Variants in OSBPL10 observed in about 807,000 individuals in gnomAD.
The protein encoded by OSBPL10 is oxysterol binding protein like 10, also known as oxysterol-binding protein-related protein 10.
In OSBPL10, 49 loss-of-function variants were observed where a neutral mutation model predicts 81.7. That is an observed-to-expected ratio of 0.60 (90% CI 0.48 to 0.76). The LOEUF (loss-of-function observed/expected upper bound fraction) is 0.76. OSBPL10 is among the 30% of genes least tolerant of loss of function. OSBPL10 has a pLI of 0.00. For missense variants in OSBPL10, 923 were observed against 987.8 expected (o/e 0.93, Z 0.88); for synonymous variants, 419 against 383.6 (o/e 1.09, Z -1.08).
intron 1 of OSBPL10, among the ~76,000 whole-genome samples, chr3:31,950,379 CAG>C (rs1697832509): frequency 6.6e-6 from 1 of 152,098 alleles, no homozygotes; most frequent in Non-Finnish European, 1.5e-5. Context: ...TTCTGATAAT[CAG>C]AGATACACAA....
At chr3:31,803,631 T>TA (rs1352060583) in intron 4 of OSBPL10, among the ~76,000 whole-genome samples, 2 of 152,246 alleles carry the variant, frequency 1.3e-5, no homozygotes, top group African/African-American at 4.8e-5. Flanking sequence ...AAAATACAAC[T>TA]ACCTCAATCT....
At chr3:31,785,667 G>C (rs1483493058) in intron 4 of OSBPL10, among the ~76,000 whole-genome samples, 1 of 151,756 alleles carries the variant, frequency 6.6e-6, no homozygotes, top group East Asian at 1.9e-4. Context: ...ATAAAATGAA[G>C]AGACTGAACT....
At chr3:31,985,328 A>G (rs1258621704), upstream of OSBPL10, among the ~76,000 whole-genome samples, 1 of 152,266 alleles carries the variant, frequency 6.6e-6, no homozygotes, top group Non-Finnish European at 1.5e-5. Context: ...TGCATAAATC[A>G]CTTAGAAAAA....
intron 3 of OSBPL10, among the ~76,000 whole-genome samples, chr3:31,846,925 C>T (rs935822453): frequency 3.9e-5 from 6 of 152,140 alleles, no homozygotes; most frequent in African/African-American, 1.4e-4. Context: ...GAGTGAACCC[C>T]AAGATCCAGC....
Position 31,815,586 on chromosome 3 carries a change from A to G in OSBPL10, c.729+14454T>C, listed in dbSNP as rs1223804517. Among the ~76,000 whole-genome samples the G allele has an allele frequency of 2.0e-5, 3 of 152,114 alleles. No homozygotes were observed. The East Asian group carries it at 5.8e-4, about 29-fold the overall frequency. ...GAAACTTTAGAATGCCCAAGCATCTAATGGGGGTGGAAAGATGGGAATGAC... is the reference window on the plus strand; with the variant it reads ...GAAACTTTAGAATGCCCAAGCATCTGATGGGGGTGGAAAGATGGGAATGAC... On this transcript the variant is annotated intron_variant, in intron 4 of 11. Transcript: ENST00000396556.
chr3:31,808,345 C>T (rs1460084678), intron 4 of OSBPL10, among the ~76,000 whole-genome samples: 1 of 152,194 alleles, frequency 6.6e-6, no homozygotes, highest in South Asian at 2.1e-4. Context: ...ACACTGAGGT[C>T]TTGTCAGGTG....
At chr3:31,747,789 G>T in intron 5 of OSBPL10, 121 bp downstream of exon 5, 1 of 1,010,976 alleles carries the variant, frequency 9.9e-7, no homozygotes, top group Non-Finnish European at 1.5e-6. Flanking sequence ...AGAAATACTT[G>T]GATATAAGGA....
Position 32,033,944 on chromosome 3 carries a change from A to G in OSBPL10, n.298+12547T>C, listed in dbSNP as rs188997689. Among the ~76,000 whole-genome samples, 136 of 152,278 alleles carry G rather than the reference A, an allele frequency of 8.9e-4. 1 individual carries two copies. The highest frequency in any genetic ancestry group is 3.0e-3 in the African/African-American group (124 of 41,558). The stretch of plus-strand genomic sequence containing the variant: ...AATATCCAAGACTGGGTAATTTATA[A>G]AGGAAGAGGTTTAATTGACTCACAG... On this transcript the variant is annotated intron_variant and non_coding_transcript_variant, in intron 2 of 3. Transcript: ENST00000479173.
chr3:31,778,450 G>T (rs568710362), intron 4 of OSBPL10, among the ~76,000 whole-genome samples: 32 of 152,300 alleles, frequency 2.1e-4, no homozygotes, highest in African/African-American at 7.7e-4. Flanking sequence ...AATTGAAGAA[G>T]TAGAGGAACT....
chr3:31,944,263 A>C (rs1213089840), intron 1 of OSBPL10, among the ~76,000 whole-genome samples: 3 of 152,204 alleles, frequency 2.0e-5, no homozygotes, highest in Non-Finnish European at 2.9e-5. Context: ...CATAAAAGTC[A>C]TACCAATCTA....
chr3:31,890,177 AC>A (rs1695853438), intron 1 of OSBPL10, among the ~76,000 whole-genome samples: 1 of 149,060 alleles, frequency 6.7e-6, no homozygotes, highest in Non-Finnish European at 1.5e-5. Flanking sequence ...GTTATTCATC[AC>A]CCTGTTTTCC....
At chr3:31,868,593 T>C (rs1027081142) in intron 3 of OSBPL10, among the ~76,000 whole-genome samples, 1 of 152,108 alleles carries the variant, frequency 6.6e-6, no homozygotes, top group African/African-American at 2.4e-5. Flanking sequence ...ATTATTACAC[T>C]TCGTGTACAA....
chr3:31,906,680 T>C (rs1206468008), intron 1 of OSBPL10, among the ~76,000 whole-genome samples: 2 of 152,162 alleles, frequency 1.3e-5, no homozygotes, highest in Non-Finnish European at 2.9e-5. Flanking sequence ...CTAATCCTCC[T>C]CCCACACTGG....
chr3:31,979,354 A>T (rs1047891239), intron 1 of OSBPL10, among the ~76,000 whole-genome samples: 2 of 152,218 alleles, frequency 1.3e-5, no homozygotes, highest in South Asian at 4.1e-4. Flanking sequence ...AAAGTCCTAT[A>T]TGTAGAATAT....
chr3:32,002,659 C>T (rs1462087262), intron 2 of OSBPL10, among the ~76,000 whole-genome samples: 2 of 129,912 alleles, frequency 1.5e-5, no homozygotes, highest in Non-Finnish European at 3.6e-5. Flanking sequence ...TTCACTCTAA[C>T]ATCATTTCAA....
intron 2 of OSBPL10, among the ~76,000 whole-genome samples, chr3:31,995,295 A>G (rs7642435): frequency 0.46 from 69,297 of 152,058 alleles, 20,408 homozygotes; most frequent in African/African-American, 0.81. Context: ...TATCTCAACC[A>G]CATAGGACAG....
At chr3:31,888,591 G>C (rs750550095) in intron 1 of OSBPL10, among the ~76,000 whole-genome samples, 6 of 152,120 alleles carry the variant, frequency 3.9e-5, no homozygotes, top group Non-Finnish European at 4.4e-5. Flanking sequence ...TTAATATCCA[G>C]TATATACAAG....
chr3:31,770,105 A>G (rs1698332963), intron 4 of OSBPL10, among the ~76,000 whole-genome samples: 1 of 152,110 alleles, frequency 6.6e-6, no homozygotes, highest in Non-Finnish European at 1.5e-5. Flanking sequence ...AAAAACCAAA[A>G]CTTGTAGTCT....
At chr3:31,919,954 A>G (rs929971700) in intron 1 of OSBPL10, among the ~76,000 whole-genome samples, 6 of 152,254 alleles carry the variant, frequency 3.9e-5, no homozygotes, top group Admixed American at 1.3e-4. Flanking sequence ...ACTATCTTCT[A>G]CTTTATTCCA....
Sources: gnomAD v4.1 joint callset for allele counts (sites outside exome capture counted in the v4.1 genomes callset) on GRCh38, gnomAD v4.1.1 for gene constraint, MANE v1.5 for transcripts, NCBI Gene and HGNC (gene_info 2026-07-23, HGNC 2026-07-21) for gene names.